The following NCOR2 variants were observed in gnomAD, a reference collection of about 807,000 sequenced individuals.
NCOR2 encodes the protein CTG repeat protein 26.
A neutral mutation model predicts 262.9 loss-of-function variants in NCOR2; 81 were observed. The observed-to-expected ratio is 0.31, with a 90% CI of 0.26 to 0.37. The LOEUF is 0.37. Ranked by LOEUF, NCOR2 falls within the 10% of genes least tolerant of loss-of-function variation. NCOR2 has a pLI of 1.00. For synonymous variants in NCOR2, 1,659 were observed against 1,559.3 expected (o/e 1.06, Z -1.51); for missense variants, 3,385 against 3,621.4 (o/e 0.93, Z 1.68).
At chr12:124,340,636 G>T in exon 35 of NCOR2, 1 of 1,497,198 alleles carries the variant, frequency 6.7e-7, no homozygotes, top group Non-Finnish European at 8.9e-7. Flanking sequence ...GGCGGCTGCT[G>T]AAGGGCTGGG....
chr12:124,520,748 A>T (rs897582559), intron 1 of NCOR2, among the ~76,000 whole-genome samples: 36 of 152,206 alleles, frequency 2.4e-4, no homozygotes, highest in African/African-American at 8.2e-4. Flanking sequence ...TCTGCTCAGC[A>T]AAAGAACTCC....
chr12:124,536,619 C>T (rs11057663), upstream of NCOR2, among the ~76,000 whole-genome samples: 7,189 of 152,310 alleles, frequency 0.047, 247 homozygotes, highest in Middle Eastern at 0.082. Flanking sequence ...GACCACTGCT[C>T]ACCCATAGGG....
intron 27 of NCOR2, among the ~76,000 whole-genome samples, chr12:124,351,703 T>C (rs2037482017): frequency 6.6e-6 from 1 of 152,062 alleles, no homozygotes; most frequent in African/African-American, 2.4e-5. Flanking sequence ...ACAGCAACTT[T>C]ACTACCAAGC....
At chr12:124,330,098 C>T (rs947856581) in intron 44 of NCOR2, among the ~76,000 whole-genome samples, 2 of 152,210 alleles carry the variant, frequency 1.3e-5, no homozygotes, top group East Asian at 3.9e-4. Flanking sequence ...ATCAGCAAAC[C>T]TCTCCGACCT....
chr12:124,388,980 G>C (rs1226352972), intron 16 of NCOR2: 1 of 528,050 alleles, frequency 1.9e-6, no homozygotes, highest in Non-Finnish European at 2.4e-6. Context: ...GCCTGCCTGT[G>C]GTGGCCCGGG....
intron 9 of NCOR2, 30 bp downstream of exon 11, chr12:124,430,572 CCGGGCCCTGACGT>C (rs1460028490): frequency 1.3e-6 from 2 of 1,569,036 alleles, no homozygotes. Flanking sequence ...GGAGCTGACC[CCGGGCCCTGACGT>C]CGGGGGCCCT....
intron 17 of NCOR2, among the ~76,000 whole-genome samples, chr12:124,380,680 C>T (rs894672546): frequency 4.6e-5 from 7 of 152,130 alleles, no homozygotes; most frequent in East Asian, 1.9e-4. Context: ...GCTGCCCGGG[C>T]GGTGGCTGGG....
At chr12:124,527,237 C>G (rs1355092842) in intron 1 of NCOR2, among the ~76,000 whole-genome samples, 6 of 152,068 alleles carry the variant, frequency 3.9e-5, no homozygotes, top group Non-Finnish European at 7.4e-5. Flanking sequence ...ACACACAGCA[C>G]GCCCTGTAGG....
rs2052185084 is a variant in NCOR2, at chr12:124,564,919, C to A, written c.-165+2389G>T. 4.6e-5 allele frequency among the ~76,000 whole-genome samples: 7 copies of A among 151,508 alleles called. No individual in the cohort carries two copies. In the South Asian group the frequency reaches 1.5e-3, roughly 32 times the overall value. On this transcript the variant is annotated intron_variant, in intron 1 of 32. Coordinates refer to the NCOR2 transcript ENST00000458234. ...CGCTGCCAGCGCCCCCTGCCCCCCA[C>A]CCCCAGGCCCCGAGAACAATCAAGC...
chr12:124,565,561 C>T (rs1166806175), intron 1 of NCOR2, among the ~76,000 whole-genome samples: 1 of 151,786 alleles, frequency 6.6e-6, no homozygotes, highest in African/African-American at 2.4e-5. Context: ...ACTGTCCACC[C>T]CCAGCCAAAG....
intron 13 of NCOR2, among the ~76,000 whole-genome samples, chr12:124,416,686 CAG>C (rs1174621935): frequency 1.5e-4 from 22 of 142,494 alleles, no homozygotes; most frequent in African/African-American, 5.7e-4. Flanking sequence ...ACCCGCGACA[CAG>C]GGAGTCCCCG....
chr12:124,547,602 T>C (rs989502022), intron 1 of NCOR2, among the ~76,000 whole-genome samples: 8 of 152,210 alleles, frequency 5.3e-5, no homozygotes, highest in African/African-American at 1.4e-4. Context: ...ATCACCTCTA[T>C]CTAATTCCAA....
At chr12:124,412,268 G>A (rs1340178532) in intron 13 of NCOR2, among the ~76,000 whole-genome samples, 2 of 152,246 alleles carry the variant, frequency 1.3e-5, no homozygotes, top group African/African-American at 2.4e-5. Flanking sequence ...AACTGCTTTG[G>A]TACAGGGCAC....
In NCOR2 at chr12:124,546,999, A is replaced by T. The variant is rs554995265; in HGVS notation, c.-164-11388T>A. On this transcript the variant is annotated intron_variant, in intron 1 of 32. Transcript: ENST00000458234. ...TTTTTATAATATTTTATTTATTTTT[A>T]TTTTTTTTGAGATGGAGTCTCGCTC... Among the ~76,000 whole-genome samples, 44 of 151,628 alleles carry T rather than the reference A, an allele frequency of 2.9e-4. 1 individual carries two copies. In the South Asian group the frequency reaches 8.1e-3, roughly 28 times the overall value.
chr12:124,561,752 A>G (rs993812288), intron 1 of NCOR2: 1 of 152,408 alleles, frequency 6.6e-6, no homozygotes, highest in African/African-American at 2.4e-5. Flanking sequence ...GCAGTGGCTC[A>G]CGCCTAGAAT....
intron 20 of NCOR2, 88 bp from the exon 23 acceptor site, chr12:124,363,887 G>A (rs1444120114): frequency 4.3e-6 from 5 of 1,163,790 alleles, no homozygotes; most frequent in Non-Finnish European, 5.5e-6. Flanking sequence ...GGCCTCTCCT[G>A]TCTCAAGCCC....
intron 28 of NCOR2, among the ~76,000 whole-genome samples, chr12:124,349,796 C>T (rs2037280156): frequency 6.6e-6 from 1 of 152,190 alleles, no homozygotes; most frequent in Non-Finnish European, 1.5e-5. Flanking sequence ...CCACCACCAG[C>T]CCTTCCCAGG....
At position 124,378,189 on chromosome 12, in the gene NCOR2, G is replaced by C. The variant is rs375828076; in HGVS notation, c.2167+48C>G. The C allele has an allele frequency of 2.1e-5, 34 of 1,597,376 alleles. No individual in the cohort carries two copies. The highest frequency in any genetic ancestry group is 2.8e-5 in the Non-Finnish European group (33 of 1,170,282). On this transcript the variant is annotated intron_variant, in intron 18 of 46. Coordinates refer to ENST00000405201, the Ensembl canonical transcript of NCOR2. The surrounding 1 kb of genome is among the most constrained non-coding windows in gnomAD (Gnocchi z 4.2). Reference sequence around the variant, plus strand: ...AGTTCCCGCTATGCCCTCCCTCAGAGCTCGGACCCACAGCTGCCAGCCACC... The same window carrying C: ...AGTTCCCGCTATGCCCTCCCTCAGACCTCGGACCCACAGCTGCCAGCCACC...
chr12:124,333,402 T>G, intron 41 of NCOR2, 123 bp from the exon 44 acceptor site: 9 of 904,018 alleles, frequency 1.0e-5, no homozygotes, highest in Non-Finnish European at 9.0e-6. Context: ...ATAAACGTTT[T>G]AGGCATTTTC....
Sources: gnomAD v4.1 joint callset for allele counts (sites outside exome capture counted in the v4.1 genomes callset) on GRCh38, gnomAD v4.1.1 for gene constraint, Gnocchi (gnomAD v3.1) non-coding constraint, MANE v1.5 for transcripts, NCBI Gene and HGNC (gene_info 2026-07-23, HGNC 2026-07-21) for gene names.